Variants in NKAIN2 observed in about 807,000 individuals in gnomAD.
NKAIN2 encodes the protein sodium/potassium transporting ATPase interacting 2, also known as sodium/potassium-transporting ATPase subunit beta-1-interacting protein 2.
In NKAIN2, 14 loss-of-function variants were observed where a neutral mutation model predicts 32.6. That is an observed-to-expected ratio of 0.43 (90% CI 0.28 to 0.67). The LOEUF (loss-of-function observed/expected upper bound fraction) is 0.67, where lower values mean the gene tolerates loss of function less well. Ranked by LOEUF, NKAIN2 falls within the 30% of genes least tolerant of loss-of-function variation. NKAIN2 has a pLI of 0.17. For synonymous variants in NKAIN2, 80 were observed against 87.2 expected (o/e 0.92, Z 0.46); for missense variants, 198 against 258.3 (o/e 0.77, Z 1.60).
intron 3 of NKAIN2, among the ~76,000 whole-genome samples, chr6:124,538,010 C>G (rs1053394167): frequency 6.6e-6 from 1 of 152,020 alleles, no homozygotes; most frequent in African/African-American, 2.4e-5. Flanking sequence ...ATTTATTTGT[C>G]CATTCTCATA....
intron 3 of NKAIN2, among the ~76,000 whole-genome samples, chr6:124,538,172 T>C (rs1198721280): frequency 6.6e-6 from 1 of 152,110 alleles, no homozygotes; most frequent in Non-Finnish European, 1.5e-5. Flanking sequence ...TCTTTTTGTC[T>C]TACAGTCCAT....
intron 1 of NKAIN2, among the ~76,000 whole-genome samples, chr6:124,124,829 T>A (rs1190212455): frequency 6.6e-6 from 1 of 152,184 alleles, no homozygotes; most frequent in Non-Finnish European, 1.5e-5. Flanking sequence ...CTGTTCATCA[T>A]TGTGTGCAGT....
intron 3 of NKAIN2, among the ~76,000 whole-genome samples, chr6:124,543,238 G>A (rs1779972914): frequency 6.6e-6 from 1 of 152,090 alleles, no homozygotes; most frequent in African/African-American, 2.4e-5. Flanking sequence ...ATCAAAATTT[G>A]CATTCCAGTT....
intron 4 of NKAIN2, among the ~76,000 whole-genome samples, chr6:124,789,609 G>A (rs1779653201): frequency 6.6e-6 from 1 of 151,810 alleles, no homozygotes; most frequent in South Asian, 2.1e-4. Context: ...CCATGAAAAT[G>A]CTCAAATCAC....
At position 124,730,403 on chromosome 6, in the gene NKAIN2, C is replaced by A. The variant is rs1258157806; in HGVS notation, c.475-60936C>A. The stretch of plus-strand genomic sequence containing the variant: ...CAGAACAGAGCCCTCAGAAATAACG[C>A]CGCATATCTAAAACTATCTGATCTT... On this transcript the variant is annotated intron_variant, in intron 4 of 6. Coordinates refer to ENST00000368417, the MANE Select transcript of NKAIN2 (RefSeq NM_001040214.3). Among the ~76,000 whole-genome samples the A allele has an allele frequency of 2.1e-5, 2 of 96,340 alleles. 1 individual carries two copies. The highest frequency in any genetic ancestry group is 4.2e-5 in the Non-Finnish European group (2 of 47,968). 63.2% of individuals were successfully genotyped at this position (96,340 alleles called of 152,430 possible).
At chr6:124,372,816 A>G (rs1197066923) in intron 3 of NKAIN2, among the ~76,000 whole-genome samples, 1 of 129,430 alleles carries the variant, frequency 7.7e-6, no homozygotes, top group Non-Finnish European at 1.7e-5. Context: ...AAAGAAAATA[A>G]TAGATATTTG....
chr6:123,830,952 T>C (rs1774354965), intron 1 of NKAIN2, among the ~76,000 whole-genome samples: 1 of 152,242 alleles, frequency 6.6e-6, no homozygotes, highest in Non-Finnish European at 1.5e-5. Flanking sequence ...GAGATATTAA[T>C]TTAGGAAATC....
At chr6:123,845,903 A>G (rs866311508) in intron 1 of NKAIN2, among the ~76,000 whole-genome samples, 2 of 152,318 alleles carry the variant, frequency 1.3e-5, no homozygotes, top group Middle Eastern at 3.4e-3. Flanking sequence ...TCTAACATAT[A>G]TACAAATTAC....
chr6:124,502,990 A>T (rs951703744), intron 3 of NKAIN2, among the ~76,000 whole-genome samples: 1 of 152,164 alleles, frequency 6.6e-6, no homozygotes, highest in Non-Finnish European at 1.5e-5. Context: ...ATTAGAAAAA[A>T]ATCACATGGC....
chr6:124,691,904 G>A (rs1774273638), intron 4 of NKAIN2, among the ~76,000 whole-genome samples: 3 of 152,144 alleles, frequency 2.0e-5, no homozygotes, highest in South Asian at 2.1e-4. Context: ...TAGGTCTTAA[G>A]AAAATCACAT....
chr6:124,807,230 T>C (rs559382773), intron 5 of NKAIN2, among the ~76,000 whole-genome samples: 1 of 152,170 alleles, frequency 6.6e-6, no homozygotes, highest in Admixed American at 6.5e-5. Flanking sequence ...ATTGACCACA[T>C]AGTTGGAAGT....
intron 3 of NKAIN2, among the ~76,000 whole-genome samples, chr6:124,375,446 TTA>T (rs1472614800): frequency 6.8e-6 from 1 of 146,392 alleles, no homozygotes; most frequent in African/African-American, 2.5e-5. Flanking sequence ...TAAATTACAT[TTA>T]TATATATTAC....
At chr6:124,045,249 A>C (rs1271925349) in intron 1 of NKAIN2, among the ~76,000 whole-genome samples, 1 of 151,960 alleles carries the variant, frequency 6.6e-6, no homozygotes, top group African/African-American at 2.4e-5. Flanking sequence ...AGATTTATAT[A>C]TTCTAATGTA....
chr6:124,739,365 T>C (rs1460348545), intron 4 of NKAIN2, among the ~76,000 whole-genome samples: 2 of 151,926 alleles, frequency 1.3e-5, no homozygotes, highest in East Asian at 3.9e-4. Context: ...AAATTAATCA[T>C]AGGAGATTAG....
chr6:124,596,920 A>C, intron 3 of NKAIN2, among the ~76,000 whole-genome samples: 1 of 152,050 alleles, frequency 6.6e-6, no homozygotes, highest in Non-Finnish European at 1.5e-5. Context: ...TGATGGTATA[A>C]ATTCCAGCCT....
intron 3 of NKAIN2, among the ~76,000 whole-genome samples, chr6:124,437,534 T>A (rs532708733): frequency 6.6e-6 from 1 of 152,274 alleles, no homozygotes; most frequent in Admixed American, 6.5e-5. Flanking sequence ...TTTCTCTTTC[T>A]CTCCTGCTTC....
chr6:123,954,904 C>A (rs1777496347), intron 1 of NKAIN2, among the ~76,000 whole-genome samples: 2 of 152,032 alleles, frequency 1.3e-5, no homozygotes, highest in South Asian at 4.1e-4. Context: ...GTGAAGGAAG[C>A]TGTCAGCAGA....
At chr6:124,017,447 A>G (rs948130831) in intron 1 of NKAIN2, among the ~76,000 whole-genome samples, 16 of 152,132 alleles carry the variant, frequency 1.1e-4, no homozygotes, top group African/African-American at 3.6e-4. Context: ...ATTTCACATT[A>G]ACTCTAAAGT....
intron 1 of NKAIN2, among the ~76,000 whole-genome samples, chr6:124,255,675 G>A (rs1292899858): frequency 1.3e-5 from 2 of 152,192 alleles, no homozygotes; most frequent in African/African-American, 4.8e-5. Flanking sequence ...ATCACCGTCA[G>A]TGATCAGAAT....
Sources: allele counts gnomAD v4.1 joint callset (sites outside exome capture counted in the v4.1 genomes callset), GRCh38; gene constraint gnomAD v4.1.1; transcripts MANE v1.5; gene names NCBI Gene and HGNC (gene_info 2026-07-23, HGNC 2026-07-21).